Variants in C1QTNF5 observed in about 807,000 individuals in gnomAD.
The protein encoded by C1QTNF5 is complement C1q tumor necrosis factor-related protein 5.
In C1QTNF5, 5 loss-of-function variants were observed where a neutral mutation model predicts 10.9. That is an observed-to-expected ratio of 0.46 (90% CI 0.24 to 0.97). The LOEUF is 0.97. Among genes scored for constraint, C1QTNF5 ranks in the 50% least tolerant of loss-of-function variants. The pLI is 0.19. For synonymous variants in C1QTNF5, 161 were observed against 156.5 expected, an observed-to-expected ratio of 1.03 and a Z score of -0.22; for missense variants, 281 against 339.4, an observed-to-expected ratio of 0.83 and a Z score of 1.35.
chr11:119,342,895 G>GT, upstream of C1QTNF5: 1 of 1,613,050 alleles, frequency 6.2e-7, no homozygotes. Flanking sequence ...TGAAGGCCAG[G>GT]TAGGTGGCTG....
chr11:119,339,678 G>C lies in C1QTNF5; in HGVS notation c.385C>G (p.Leu129Val). The change falls in exon 3 of 3, where the codon CTG becomes GTG. Residue 129 changes from leucine to valine, a missense_variant. Coordinates refer to ENST00000528368, the MANE Select transcript of C1QTNF5 (RefSeq NM_001278431.2). The surrounding 1 kb of genome is among the most constrained non-coding windows in gnomAD (Gnocchi z 5.4). ...SDAPLPFDRV[L>V]VNEQGHYDAV... ...TCGTAATGTCCCTGCTCGTTCACCAGCACGCGGTCGAAGGGCAAGGGTGCG... is the reference window on the plus strand; with the variant it reads ...TCGTAATGTCCCTGCTCGTTCACCACCACGCGGTCGAAGGGCAAGGGTGCG... 1 of 1,610,612 alleles carries C rather than the reference G, an allele frequency of 6.2e-7. No homozygotes were observed. The highest frequency in any genetic ancestry group is 8.5e-7 in the Non-Finnish European group (1 of 1,179,894).
chr11:119,341,780 G>A, upstream of C1QTNF5: 4 of 1,613,268 alleles, frequency 2.5e-6, no homozygotes, highest in Non-Finnish European at 3.4e-6. Context: ...GCTCTGCGGA[G>A]GGAGAGTGGC....
the C1QTNF5 span, chr11:119,346,538 T>C: frequency 1.2e-6 from 2 of 1,613,330 alleles, no homozygotes; most frequent in African/African-American, 1.3e-5. Flanking sequence ...CATGGCTTTC[T>C]GGAGTCCCTG....
Position 119,339,865 on chromosome 11 carries a change from G to A in C1QTNF5, c.215-17C>T, listed in dbSNP as rs769879454. On this transcript the variant is annotated splice_polypyrimidine_tract_variant and intron_variant, in intron 2 of 2. Coordinates refer to ENST00000528368, the MANE Select transcript of C1QTNF5 (RefSeq NM_001278431.2). The surrounding 1 kb of genome is among the most constrained non-coding windows in gnomAD (Gnocchi z 5.4). Reference sequence around the variant, plus strand: ...CCGGCAGTCCTGCGGGGTAAGCGGGGCGGCAGGGTGAGAGTAGCGGCGGCT... The same window carrying A: ...CCGGCAGTCCTGCGGGGTAAGCGGGACGGCAGGGTGAGAGTAGCGGCGGCT... 4 of 1,458,384 alleles carry A rather than the reference G, an allele frequency of 2.7e-6. No homozygotes were observed. In the South Asian group the frequency reaches 5.6e-5, roughly 20 times the overall value. The allele number at this position is 1,458,384 out of a possible 1,614,324, so 90.3% of individuals were successfully genotyped here. A position where few individuals can be genotyped will look rare whatever the true frequency, so the allele number is the denominator to read the frequency against.
upstream of C1QTNF5, chr11:119,343,925 T>G: frequency 6.2e-7 from 1 of 1,613,800 alleles, no homozygotes; most frequent in Non-Finnish European, 8.5e-7. Flanking sequence ...TGTAGTTCTA[T>G]GCTGTGTCCG....
chr11:119,344,469 C>A, upstream of C1QTNF5: 1 of 1,557,738 alleles, frequency 6.4e-7, no homozygotes, highest in Non-Finnish European at 8.8e-7. Flanking sequence ...GATTACAGAG[C>A]GAGAGTTTTG....
upstream of C1QTNF5, chr11:119,341,417 T>C (rs1950501101): frequency 1.6e-5 from 12 of 745,482 alleles, no homozygotes; most frequent in Non-Finnish European, 2.6e-5. Flanking sequence ...GGACTTCTCT[T>C]CCCCCTCCCT....
chr11:119,340,210 C>T lies in C1QTNF5; in HGVS notation c.188G>A (p.Gly63Glu). Residue 63 changes from glycine to glutamate, a missense_variant, in exon 2 of 3, where the codon GGA becomes GAA. Coordinates refer to ENST00000528368, the MANE Select transcript of C1QTNF5 (RefSeq NM_001278431.2). ...CGGCCTCCCGCCCTCGCCTTTCTCT[C>T]CCGGAGCCCCGGGCGCGCCGTCGCG... ...DGRDGAPGAPGEKGEGGRPGL... is the reference protein window; with the variant it reads ...DGRDGAPGAPEEKGEGGRPGL... 1 of 1,514,862 alleles carries T rather than the reference C, an allele frequency of 6.6e-7. No homozygotes were observed. The highest frequency in any genetic ancestry group is 1.5e-5 in the African/African-American group (1 of 68,906). 93.8% of individuals were successfully genotyped at this position (1,514,862 alleles called of 1,614,324 possible). A position where few individuals can be genotyped will look rare whatever the true frequency, so the allele number is the denominator to read the frequency against.
At chr11:119,343,182 ACTGT>A (rs1379213492), upstream of C1QTNF5, among the ~76,000 whole-genome samples, 12 of 152,302 alleles carry the variant, frequency 7.9e-5, no homozygotes, top group East Asian at 2.1e-3. Context: ...CATTAAACAA[ACTGT>A]CTGAACTCGA....
At chr11:119,342,603 T>G (rs1591302679), upstream of C1QTNF5, 1 of 1,612,630 alleles carries the variant, frequency 6.2e-7, no homozygotes, top group East Asian at 2.2e-5. Flanking sequence ...CACCTGGGGG[T>G]GGGAACAAGG....
chr11:119,345,591 C>G, upstream of C1QTNF5: 1 of 1,613,826 alleles, frequency 6.2e-7, no homozygotes, highest in East Asian at 2.2e-5. Flanking sequence ...GTAGTTAGGG[C>G]TGCTGAAGAA....
chr11:119,341,496 C>T, upstream of C1QTNF5: 2 of 1,498,994 alleles, frequency 1.3e-6, no homozygotes, highest in Admixed American at 1.7e-5. Context: ...GCGTGCCAGC[C>T]CTGACCGGCA....
upstream of C1QTNF5, chr11:119,345,650 T>C: frequency 6.2e-7 from 1 of 1,613,268 alleles, no homozygotes; most frequent in Non-Finnish European, 8.5e-7. Context: ...AGATGGAGGT[T>C]AGAGTTCAGA....
upstream of C1QTNF5, chr11:119,341,811 G>A: frequency 6.2e-7 from 1 of 1,613,488 alleles, no homozygotes. Context: ...CTGCTCCCAG[G>A]CTCCTCCCCT....
At chr11:119,344,215 G>A, upstream of C1QTNF5, 1 of 1,185,890 alleles carries the variant, frequency 8.4e-7, no homozygotes, top group South Asian at 1.2e-5. Flanking sequence ...ACCTTCCCAA[G>A]TAGAAGGTAG....
Position 119,340,693 on chromosome 11 carries a change from A to T in C1QTNF5, c.-44+2T>A. 2.9e-6 allele frequency: 1 copy of T among 344,790 alleles called. No individual in the cohort carries two copies. Among genetic ancestry groups the T allele is most frequent in the Non-Finnish European group, 5.0e-6 (1 of 199,660 alleles). The allele number at this position is 344,790 out of a possible 1,614,324, so 21.4% of individuals were successfully genotyped here. A position where few individuals can be genotyped will look rare whatever the true frequency, so the allele number is the denominator to read the frequency against. ...CCCTTTCCCCTCCTCCGCCAGACTC[A>T]CCCCCCCTCCCGGCTCCCCGATGGC... is the stretch of plus-strand genomic sequence containing the variant. On this transcript the variant is annotated splice_donor_variant, in intron 1 of 2. Transcript: ENST00000528368. LOFTEE classifies it low-confidence loss of function (5UTR_SPLICE).
At chr11:119,344,594 A>G (rs369817353), upstream of C1QTNF5, 1 of 1,613,660 alleles carries the variant, frequency 6.2e-7, no homozygotes. Flanking sequence ...AACCCAGATC[A>G]GACGCCTGAA....
upstream of C1QTNF5, chr11:119,341,773 C>T: frequency 1.2e-6 from 2 of 1,613,254 alleles, no homozygotes; most frequent in Non-Finnish European, 1.7e-6. Flanking sequence ...TTGTCAGGCT[C>T]TGCGGAGGGA....
chr11:119,345,580 G>A, upstream of C1QTNF5: 1 of 1,613,934 alleles, frequency 6.2e-7, no homozygotes, highest in Admixed American at 1.7e-5. Context: ...TAAGGGTCTG[G>A]GTAGTTAGGG....
Sources: allele counts gnomAD v4.1 joint callset (sites outside exome capture counted in the v4.1 genomes callset), GRCh38; gene constraint gnomAD v4.1.1; non-coding constraint Gnocchi (gnomAD v3.1); transcripts MANE v1.5; gene names NCBI Gene and HGNC (gene_info 2026-07-23, HGNC 2026-07-21).